Variants in PLAUR observed in about 807,000 individuals in gnomAD.
The protein encoded by PLAUR is urokinase plasminogen activator surface receptor.
Under a neutral mutation model 33.4 loss-of-function variants are expected in PLAUR, and 22 were observed. The ratio of observed to expected loss-of-function variants is 0.66; its 90% CI spans 0.47 to 0.94. The LOEUF is 0.94. Ranked by LOEUF, PLAUR falls within the 40% of genes least tolerant of loss-of-function variation. PLAUR has a pLI of 0.00. For synonymous variants in PLAUR, 148 were observed against 167.3 expected, an observed-to-expected ratio of 0.88 and a Z score of 0.89; for missense variants, 408 against 434.7, an observed-to-expected ratio of 0.94 and a Z score of 0.55.
chr19:43,651,744 T>G (rs1324501370), intron 6 of PLAUR: 3 of 966,608 alleles, frequency 3.1e-6, no homozygotes, highest in Non-Finnish European at 3.7e-6. Context: ...CCAAAAATAA[T>G]TTTTAAAAGC....
intron 3 of PLAUR, chr19:43,665,004 A>G (rs746727299): frequency 8.4e-6 from 3 of 355,754 alleles, no homozygotes; most frequent in Non-Finnish European, 1.0e-5. Context: ...AGTCTGAGAT[A>G]AGGATGGGGT....
At chr19:43,648,493 C>G (rs1263531909), downstream of PLAUR, 1 of 827,314 alleles carries the variant, frequency 1.2e-6, no homozygotes, top group Non-Finnish European at 1.5e-6. Flanking sequence ...AACATGACCC[C>G]TGATTCCAGG....
intron 5 of PLAUR, among the ~76,000 whole-genome samples, chr19:43,652,574 T>C (rs1974040964): frequency 6.6e-6 from 1 of 152,120 alleles, no homozygotes; most frequent in Admixed American, 6.6e-5. Flanking sequence ...ATGAGTCCCA[T>C]TTCTGGCCAG....
At chr19:43,665,180 T>C (rs1292643866) in intron 3 of PLAUR, 136 bp downstream of exon 3, 7 of 810,956 alleles carry the variant, frequency 8.6e-6, no homozygotes, top group Non-Finnish European at 1.4e-5. Flanking sequence ...AGAGATGGGT[T>C]GGGTTGGGGT....
At chr19:43,657,670 G>C (rs925017451) in intron 3 of PLAUR, among the ~76,000 whole-genome samples, 3 of 152,202 alleles carry the variant, frequency 2.0e-5, no homozygotes, top group Admixed American at 2.0e-4. Context: ...TCTGGTGACA[G>C]GTATGTCTCC....
chr19:43,656,156 G>A (rs1430549913), intron 4 of PLAUR, among the ~76,000 whole-genome samples: 1 of 152,122 alleles, frequency 6.6e-6, no homozygotes, highest in Non-Finnish European at 1.5e-5. Context: ...AGGAGGCTGA[G>A]GCAGGAGAAT....
downstream of PLAUR, among the ~76,000 whole-genome samples, chr19:43,647,706 T>C (rs1398981217): frequency 6.6e-6 from 1 of 152,060 alleles, no homozygotes; most frequent in African/African-American, 2.4e-5. Context: ...CTTGGGAGGC[T>C]GAGGCAGGAG....
intron 6 of PLAUR, among the ~76,000 whole-genome samples, chr19:43,650,009 T>A (rs1600111498): frequency 8.4e-6 from 1 of 118,646 alleles, no homozygotes. Context: ...CTCATTACGC[T>A]TTTTTTTTGT....
At position 43,670,048 on chromosome 19, in the gene PLAUR, T is replaced by A. The variant is rs1158327156; in HGVS notation, c.55+18A>T. 1.2e-6 allele frequency: 2 copies of A among 1,612,442 alleles called. No homozygotes were observed. The highest frequency in any genetic ancestry group is 1.3e-5 in the African/African-American group (1 of 74,860). ...TAGACCCTGTTCCAGGCGCAGGCGT[T>A]CGGGACCCAGCCCCTACCTGGGACG... On this transcript the variant is annotated intron_variant, in intron 1 of 6. Coordinates refer to ENST00000340093, the MANE Select transcript of PLAUR (RefSeq NM_002659.4).
chr19:43,663,713 G>T (rs531490872), intron 3 of PLAUR, among the ~76,000 whole-genome samples: 6 of 151,666 alleles, frequency 4.0e-5, no homozygotes, highest in Non-Finnish European at 8.8e-5. Flanking sequence ...CCTAGGAGGC[G>T]GAGGTTGCAG....
In PLAUR at chr19:43,665,431, T is replaced by C. The variant is rs747395993; in HGVS notation, c.195A>G (p.Lys65=). 8 of 1,613,040 alleles carry C rather than the reference T, an allele frequency of 5.0e-6. 1 individual carries two copies. Among genetic ancestry groups the C allele is most frequent in the African/African-American group, 2.7e-5 (2 of 74,546 alleles). ...EEGEELELVE[K]SCTHSEKTNR... ...TGGTCTTCTCTGAGTGGGTACAGCT[T>C]TTCTCCACCAGCTCCAGCTCTTCTC... is the stretch of plus-strand genomic sequence containing the variant. The change falls in exon 3 of 7, where the codon AAA becomes AAG. Residue 65 remains lysine, a synonymous_variant. Coordinates refer to ENST00000340093, the MANE Select transcript of PLAUR (RefSeq NM_002659.4).
At chr19:43,664,105 G>A (rs138712031) in intron 3 of PLAUR, among the ~76,000 whole-genome samples, 1 of 152,100 alleles carries the variant, frequency 6.6e-6, no homozygotes, top group East Asian at 1.9e-4. Flanking sequence ...CCAAGTATTG[G>A]TGCTTTCCTT....
intron 1 of PLAUR, chr19:43,668,189 G>A (rs1967347991): frequency 2.0e-6 from 2 of 987,254 alleles, no homozygotes; most frequent in Non-Finnish European, 2.4e-6. Context: ...GGTTCTACCC[G>A]GCTCCAGAGC....
At chr19:43,664,796 A>G (rs924313134) in intron 3 of PLAUR, among the ~76,000 whole-genome samples, 6 of 152,260 alleles carry the variant, frequency 3.9e-5, no homozygotes, top group Admixed American at 2.0e-4. Context: ...TCCCGTCCCA[A>G]TGGATTGGGC....
intron 6 of PLAUR, among the ~76,000 whole-genome samples, chr19:43,650,801 G>A (rs1168737431): frequency 1.1e-4 from 17 of 151,962 alleles, no homozygotes; most frequent in Admixed American, 9.8e-4. Flanking sequence ...TTGGGAGGCC[G>A]AGGCAGGCAG....
intron 4 of PLAUR, among the ~76,000 whole-genome samples, chr19:43,656,266 A>T (rs1169828007): frequency 1.4e-5 from 2 of 139,068 alleles, no homozygotes; most frequent in African/African-American, 2.8e-5. Context: ...AAAAATAAAT[A>T]AATAAATAAA....
In PLAUR at chr19:43,648,781, G is replaced by T. The variant is rs1241177411; in HGVS notation, c.*109C>A. The T allele has an allele frequency of 2.5e-6, 3 of 1,207,770 alleles. No individual in the cohort carries two copies. The highest frequency in any genetic ancestry group is 3.0e-5 in the African/African-American group (2 of 66,338). The allele number at this position is 1,207,770 out of a possible 1,614,324, so 74.8% of individuals were successfully genotyped here. A position where few individuals can be genotyped will look rare whatever the true frequency, so the allele number is the denominator to read the frequency against. ...AGCTGGGAAAACTGAGGCCCAGAGA[G>T]GTCGGCACACTGGCCTGAGGTCACA... On this transcript the variant is annotated 3_prime_UTR_variant, in exon 7 of 7. Coordinates refer to ENST00000340093, the MANE Select transcript of PLAUR (RefSeq NM_002659.4).
Position 43,665,325 on chromosome 19 carries a change from C to A in PLAUR, c.301G>T (p.Gly101Cys), listed in dbSNP as rs771741460. ...GGGCTGCCCTACTCACCAGAGTTGC[C>A]CTGGTTGCACAAGTCTAACCCACAC... ...VVCGLDLCNQ[G>C]NSGRAVTYSR... The change falls in exon 3 of 7, where the codon GGC (glycine) becomes TGC (cysteine). Residue 101 changes from glycine to cysteine, a missense_variant. Coordinates refer to ENST00000340093, the MANE Select transcript of PLAUR (RefSeq NM_002659.4). The A allele has an allele frequency of 1.2e-6, 2 of 1,613,880 alleles. No homozygotes were observed. Among genetic ancestry groups the A allele is most frequent in the Non-Finnish European group, 1.7e-6 (2 of 1,179,946 alleles).
intron 1 of PLAUR, chr19:43,668,317 C>T: frequency 1.0e-6 from 1 of 986,590 alleles, no homozygotes; most frequent in Non-Finnish European, 1.2e-6. Context: ...CTCCAGCTCT[C>T]CAACTAGGTT....
Sources: allele counts gnomAD v4.1 joint callset (sites outside exome capture counted in the v4.1 genomes callset), GRCh38; gene constraint gnomAD v4.1.1; transcripts MANE v1.5; gene names NCBI Gene and HGNC (gene_info 2026-07-23, HGNC 2026-07-21).